Variants in TLN2 observed in about 807,000 individuals in gnomAD.
The protein encoded by TLN2 is talin 2, also known as talin-2.
TLN2 carries 118 observed loss-of-function variants against 294.7 expected under a neutral mutation model. The ratio of observed to expected loss-of-function variants is 0.40; its 90% CI spans 0.34 to 0.47. TLN2 has a LOEUF of 0.47. Among genes scored for constraint, TLN2 ranks in the 20% least tolerant of loss-of-function variants. The pLI is 0.84. For missense variants in TLN2, 3,083 were observed against 3,282.2 expected, an observed-to-expected ratio of 0.94 and a Z score of 1.48; for synonymous variants, 1,431 against 1,304.5, an observed-to-expected ratio of 1.10 and a Z score of -2.09.
chr15:62,655,575 A>C lies in TLN2; in HGVS notation c.518-369A>C, dbSNP rs2053112828. 2.5e-4 allele frequency among the ~76,000 whole-genome samples: 3 copies of C among 12,128 alleles called. No individual in the cohort carries two copies. The Non-Finnish European group carries it at 7.4e-3, about 30-fold the overall frequency. The allele number at this position is 12,128 out of a possible 152,430, so 8.0% of individuals were successfully genotyped here. ...CCACCGGAGAGGCAGCATATTATAC[A>C]TTCATTGTAGCACATGTCACCGTGG... On this transcript the variant is annotated intron_variant, in intron 7 of 58. Transcript: ENST00000636159.
At position 62,800,444 on chromosome 15, in the gene TLN2, G is replaced by A. The variant is rs774546642; in HGVS notation, c.6311G>A (p.Ser2104Asn). The change falls in exon 49 of 59, where the codon AGC becomes AAC. Residue 2104 changes from serine (S) to asparagine (N), a missense_variant. By Grantham distance (46) the Ser-to-Asn change is conservative. Coordinates refer to ENST00000636159, the MANE Select transcript of TLN2 (RefSeq NM_015059.3). ...ATCAGTGCTACCAAGGGAGCTGCCA[G>A]CAAGCCAGTGGACGACCCTTCCATG... is the stretch of plus-strand genomic sequence containing the variant. ...DLISATKGAA[S>N]KPVDDPSMYQ... 8 of 1,614,112 alleles carry A rather than the reference G, an allele frequency of 5.0e-6. No homozygotes were observed. In the African/African-American group the frequency reaches 1.1e-4, roughly 22 times the overall value.
At chr15:62,532,166 T>C (rs2041080157) in intron 1 of TLN2, among the ~76,000 whole-genome samples, 1 of 152,106 alleles carries the variant, frequency 6.6e-6, no homozygotes, top group Admixed American at 6.6e-5. Context: ...CCTCCCGTCT[T>C]GGCCCCCTGA....
chr15:62,506,386 A>T (rs2039623811), intron 1 of TLN2, among the ~76,000 whole-genome samples: 1 of 152,218 alleles, frequency 6.6e-6, no homozygotes, highest in Non-Finnish European at 1.5e-5. Context: ...CAAACAGGAA[A>T]TGTTCAGCAA....
intron 1 of TLN2, among the ~76,000 whole-genome samples, chr15:62,499,245 C>G (rs1370309457): frequency 6.6e-6 from 1 of 152,084 alleles, no homozygotes; most frequent in Non-Finnish European, 1.5e-5. Flanking sequence ...GCTCAGGAGT[C>G]CAAGATCAGC....
intron 1 of TLN2, among the ~76,000 whole-genome samples, chr15:62,561,979 G>T (rs924400321): frequency 3.3e-5 from 5 of 152,024 alleles, no homozygotes; most frequent in Non-Finnish European, 5.9e-5. Context: ...GTTTTGAGTT[G>T]TTATCTCACC....
chr15:62,633,264 C>A (rs1264332729), intron 3 of TLN2, among the ~76,000 whole-genome samples: 1 of 152,174 alleles, frequency 6.6e-6, no homozygotes, highest in African/African-American at 2.4e-5. Flanking sequence ...TGCCTATGCC[C>A]TTGCCTACAC....
At chr15:62,527,099 C>A (rs1462469227) in intron 1 of TLN2, among the ~76,000 whole-genome samples, 1 of 152,180 alleles carries the variant, frequency 6.6e-6, no homozygotes, top group African/African-American at 2.4e-5. Flanking sequence ...ATTGTTGAGA[C>A]AAGTGCCTTC....
chr15:62,551,110 C>G (rs1288655807), intron 1 of TLN2, among the ~76,000 whole-genome samples: 2 of 152,206 alleles, frequency 1.3e-5, no homozygotes, highest in East Asian at 3.9e-4. Flanking sequence ...GGGTGGTTCA[C>G]AATAGGGTTT....
At chr15:62,832,475 C>T (rs1037784005) in intron 54 of TLN2, 1 of 152,200 alleles carries the variant, frequency 6.6e-6, no homozygotes, top group African/African-American at 2.4e-5. Flanking sequence ...ATGCTCCAAC[C>T]CATGAGCCTG....
intron 52 of TLN2, among the ~76,000 whole-genome samples, chr15:62,812,552 G>A (rs780474028): frequency 3.9e-5 from 6 of 152,252 alleles, no homozygotes; most frequent in Non-Finnish European, 5.9e-5. Context: ...TTCTTTCTTC[G>A]TAAGGAAGGG....
intron 7 of TLN2, among the ~76,000 whole-genome samples, chr15:62,654,603 A>G (rs1479675616): frequency 6.6e-6 from 1 of 151,768 alleles, no homozygotes; most frequent in East Asian, 1.9e-4. Context: ...AAAAATACAA[A>G]AATTAGCTGG....
intron 19 of TLN2, among the ~76,000 whole-genome samples, chr15:62,705,362 C>G (rs1472515459): frequency 6.6e-6 from 1 of 152,198 alleles, no homozygotes; most frequent in Non-Finnish European, 1.5e-5. Flanking sequence ...TTCTTGATTT[C>G]TTAATGTACT....
intron 1 of TLN2, among the ~76,000 whole-genome samples, chr15:62,502,628 A>G (rs1004370756): frequency 1.3e-5 from 2 of 152,258 alleles, no homozygotes; most frequent in Non-Finnish European, 2.9e-5. Flanking sequence ...GTATTGATCC[A>G]TAAAGACTCA....
At position 62,525,652 on chromosome 15, in the gene TLN2, TCC is replaced by T. The variant is rs373301755; in HGVS notation, c.-237-64033_-237-64032del. ...TCAATGTTGGTTTCCTCCACTTTGTTCCCTTTTATTACTCCTTCAGTAACAGG... is the reference window on the plus strand; with the variant it reads ...TCAATGTTGGTTTCCTCCACTTTGTTCTTTTATTACTCCTTCAGTAACAGG... On this transcript the variant is annotated intron_variant, in intron 1 of 58. Transcript: ENST00000636159. 3.0e-4 allele frequency among the ~76,000 whole-genome samples: 46 copies of T among 152,378 alleles called. No homozygotes were observed. In the East Asian group the frequency reaches 8.7e-3, roughly 29 times the overall value.
chr15:62,608,792 G>C (rs1451353124), intron 2 of TLN2, among the ~76,000 whole-genome samples: 1 of 152,092 alleles, frequency 6.6e-6, no homozygotes, highest in African/African-American at 2.4e-5. Context: ...CAGAACTGGT[G>C]AATGCAAGTC....
intron 1 of TLN2, among the ~76,000 whole-genome samples, chr15:62,574,060 C>A (rs189232642): frequency 1.3e-5 from 2 of 152,288 alleles, no homozygotes; most frequent in East Asian, 3.9e-4. Flanking sequence ...AATGAAGTGA[C>A]TGCCAGTGCA....
At chr15:62,613,593 A>G (rs1035738919) in intron 2 of TLN2, among the ~76,000 whole-genome samples, 10 of 152,192 alleles carry the variant, frequency 6.6e-5, no homozygotes, top group Admixed American at 5.9e-4. Context: ...AGAGAAATAT[A>G]TAAGCTACAT....
At chr15:62,805,822 T>C in intron 51 of TLN2, 37 bp downstream of exon 51, 1 of 1,594,184 alleles carries the variant, frequency 6.3e-7, no homozygotes, top group Non-Finnish European at 8.6e-7. Flanking sequence ...GGACAGATGA[T>C]TCTCTGTCGT....
At chr15:62,822,720 A>G (rs903664059) in intron 54 of TLN2, among the ~76,000 whole-genome samples, 4 of 152,218 alleles carry the variant, frequency 2.6e-5, no homozygotes, top group African/African-American at 9.7e-5. Flanking sequence ...ATGCAGCTAT[A>G]ATATTATGCA....
Sources: gnomAD v4.1 joint callset for allele counts (sites outside exome capture counted in the v4.1 genomes callset) on GRCh38, gnomAD v4.1.1 for gene constraint, MANE v1.5 for transcripts, NCBI Gene and HGNC (gene_info 2026-07-23, HGNC 2026-07-21) for gene names.